The following MED12L variants were observed in gnomAD, a reference collection of about 807,000 sequenced individuals.
The protein encoded by MED12L is mediator of RNA polymerase II transcription subunit 12-like protein.
MED12L carries 60 observed loss-of-function variants against 281.3 expected under a neutral mutation model. The observed-to-expected ratio is 0.21, with a 90% CI of 0.17 to 0.26. The LOEUF is 0.26. Ranked by LOEUF, MED12L falls within the 10% of genes least tolerant of loss-of-function variation. The probability of loss-of-function intolerance (pLI) is 1.00; values close to 1 mark genes in which losing one functional copy is unlikely to be tolerated. For synonymous variants in MED12L, 974 were observed against 987.2 expected, an observed-to-expected ratio of 0.99 and a Z score of 0.25; for missense variants, 2,146 against 2,680.9, an observed-to-expected ratio of 0.80 and a Z score of 4.41.
chr3:151,230,993 C>T (rs1230983082), intron 16 of MED12L, among the ~76,000 whole-genome samples: 1 of 151,990 alleles, frequency 6.6e-6, no homozygotes, highest in East Asian at 1.9e-4. Context: ...GTGCTCAGAC[C>T]GATTAGGAAA....
At chr3:151,365,299 C>T in intron 22 of MED12L, 93 bp downstream of exon 22, 1 of 1,019,490 alleles carries the variant, frequency 9.8e-7, no homozygotes, top group Non-Finnish European at 1.5e-6. Context: ...TGTCTGGACT[C>T]ACATTTGGCT....
chr3:151,231,062 G>T (rs1577048942), intron 16 of MED12L, among the ~76,000 whole-genome samples: 1 of 152,194 alleles, frequency 6.6e-6, no homozygotes, highest in Non-Finnish European at 1.5e-5. Flanking sequence ...GACAGTTTGG[G>T]CATTAATGAG....
intron 40 of MED12L, 26 bp downstream of exon 40, chr3:151,409,358 T>C (rs780973216): frequency 6.2e-7 from 1 of 1,604,996 alleles, no homozygotes; most frequent in South Asian, 1.1e-5. Context: ...TTGTAGGTAC[T>C]GACAGGATTT....
intron 5 of MED12L, among the ~76,000 whole-genome samples, chr3:151,142,843 G>C (rs1409087653): frequency 6.6e-6 from 1 of 150,664 alleles, no homozygotes; most frequent in Non-Finnish European, 1.5e-5. Flanking sequence ...TTAAAAAGAA[G>C]TACATTAGGT....
At chr3:151,346,383 C>G (rs1577391237) in intron 16 of MED12L, among the ~76,000 whole-genome samples, 1 of 152,170 alleles carries the variant, frequency 6.6e-6, no homozygotes, top group Admixed American at 6.5e-5. Context: ...TCCTCTCAAG[C>G]TGTTGTTCTT....
At chr3:151,349,195 GTT>G (rs1752929026) in intron 16 of MED12L, among the ~76,000 whole-genome samples, 1 of 152,210 alleles carries the variant, frequency 6.6e-6, no homozygotes, top group Non-Finnish European at 1.5e-5. Flanking sequence ...TGAGGAATGT[GTT>G]CAGTGGTGTG....
In MED12L at chr3:151,104,475, G is replaced by A. The variant is rs1475946962; in HGVS notation, c.100-11863G>A. ...AGTCCCTATTGCTGTGCAGTCAGCG[G>A]CCGAGATGTCTGCTTATCCAGAGCC... On this transcript the variant is annotated intron_variant, in intron 2 of 44. Transcript: ENST00000687756. 2.6e-5 allele frequency among the ~76,000 whole-genome samples: 4 copies of A among 152,296 alleles called. No homozygotes were observed. In the East Asian group the frequency reaches 7.7e-4, roughly 29 times the overall value.
intron 6 of MED12L, among the ~76,000 whole-genome samples, chr3:151,158,083 G>T (rs1038156896): frequency 2.0e-5 from 3 of 152,104 alleles, no homozygotes; most frequent in Admixed American, 1.3e-4. Context: ...TCACCCCCGT[G>T]GGGCATTTTT....
chr3:151,430,686 T>G (rs1173294758), intron 44 of MED12L, among the ~76,000 whole-genome samples: 2 of 149,224 alleles, frequency 1.3e-5, no homozygotes, highest in Non-Finnish European at 3.0e-5. Flanking sequence ...GTCCTTTGTT[T>G]AAAGCTGGAG....
chr3:151,176,964 C>T (rs1014553449), intron 11 of MED12L, among the ~76,000 whole-genome samples: 9 of 152,198 alleles, frequency 5.9e-5, no homozygotes, highest in Non-Finnish European at 2.9e-5. Flanking sequence ...CTACTCTACA[C>T]CAGGCACCGT....
intron 11 of MED12L, among the ~76,000 whole-genome samples, chr3:151,176,392 T>TA (rs1722055631): frequency 6.6e-6 from 1 of 152,122 alleles, no homozygotes; most frequent in South Asian, 2.1e-4. Context: ...AGGGAAAAAA[T>TA]ACGTTTCAAA....
chr3:151,106,367 T>A (rs537385160), intron 2 of MED12L, among the ~76,000 whole-genome samples: 1 of 123,032 alleles, frequency 8.1e-6, no homozygotes, highest in East Asian at 2.9e-4. Context: ...TCCTACAGGG[T>A]CTCGCCATGT....
At position 151,378,120 on chromosome 3, in the gene MED12L, A is replaced by G. The variant is rs753181433; in HGVS notation, c.4425A>G (p.Gly1475=). ...CCGCTGGGGAAGAGCTGGAGAAGGG[A>G]CAGCACTTGGGTTCTTCTTCCAAAA... ...LKAAGEELEK[G]QHLGSSSKKE... is the part of the protein sequence containing the mutation. The change falls in exon 31 of 45, where the codon GGA becomes GGG. Residue 1475 remains glycine (G), a synonymous_variant. Coordinates refer to ENST00000687756, the MANE Select transcript of MED12L (RefSeq NM_001393769.1). 3.1e-6 allele frequency: 5 copies of G among 1,612,534 alleles called. 1 individual carries two copies. In the Admixed American group the frequency reaches 6.7e-5, roughly 22 times the overall value.
At chr3:151,129,813 T>A (rs1042795815) in intron 5 of MED12L, among the ~76,000 whole-genome samples, 1 of 152,066 alleles carries the variant, frequency 6.6e-6, no homozygotes, top group African/African-American at 2.4e-5. Flanking sequence ...CAGTCACCCA[T>A]GTTGGAGTGC....
chr3:151,169,382 A>C (rs1300273323), intron 11 of MED12L, among the ~76,000 whole-genome samples: 1 of 151,870 alleles, frequency 6.6e-6, no homozygotes, highest in Non-Finnish European at 1.5e-5. Flanking sequence ...TGGCCTCCTA[A>C]AGTGCTGGGA....
At chr3:151,151,033 T>C in intron 5 of MED12L, among the ~76,000 whole-genome samples, 1 of 80,980 alleles carries the variant, frequency 1.2e-5, no homozygotes, top group Non-Finnish European at 2.4e-5. Flanking sequence ...TGAAGTAGCT[T>C]TTTTTTTTTT....
chr3:151,371,384 T>C (rs1402395697), intron 26 of MED12L, among the ~76,000 whole-genome samples: 2 of 152,240 alleles, frequency 1.3e-5, no homozygotes, highest in Admixed American at 1.3e-4. Flanking sequence ...ATTTAGTCTT[T>C]TCTTTCAGCT....
intron 16 of MED12L, among the ~76,000 whole-genome samples, chr3:151,256,859 TG>T (rs1737914898): frequency 6.6e-6 from 1 of 150,608 alleles, no homozygotes; most frequent in African/African-American, 2.4e-5. Context: ...GTTTTTTTTT[TG>T]TTGTTTTTTT....
intron 21 of MED12L, among the ~76,000 whole-genome samples, chr3:151,363,477 A>T (rs1026307889): frequency 2.0e-5 from 3 of 152,144 alleles, no homozygotes; most frequent in Admixed American, 1.3e-4. Flanking sequence ...TCTACCACTG[A>T]TTGAGCTACT....
Sources: allele counts gnomAD v4.1 joint callset (sites outside exome capture counted in the v4.1 genomes callset), GRCh38; gene constraint gnomAD v4.1.1; transcripts MANE v1.5; gene names NCBI Gene and HGNC (gene_info 2026-07-23, HGNC 2026-07-21).